SGK1: variants seen among roughly 807,000 people sequenced by gnomAD.
SGK1 encodes the protein serine/threonine-protein kinase Sgk1.
SGK1 carries 26 observed loss-of-function variants against 64.2 expected under a neutral mutation model. That is an observed-to-expected ratio of 0.40 (90% confidence interval 0.30 to 0.56). The LOEUF is 0.56. Ranked by LOEUF, SGK1 falls within the 20% of genes least tolerant of loss-of-function variation. SGK1 has a pLI of 0.38. For missense variants in SGK1, 519 were observed against 645.6 expected, an observed-to-expected ratio of 0.80 and a Z score of 2.12; for synonymous variants, 265 against 239.7, an observed-to-expected ratio of 1.11 and a Z score of -0.98.
At chr6:134,215,135 T>TTTC (rs762956548) in intron 2 of SGK1, 107 of 222,720 alleles carry the variant, frequency 4.8e-4, no homozygotes, top group Middle Eastern at 1.0e-3. Context: ...TCTTTCTTTC[T>TTTC]TTTTTTTTTT....
intron 2 of SGK1, among the ~76,000 whole-genome samples, chr6:134,247,636 T>A (rs1776543784): frequency 6.6e-6 from 1 of 152,202 alleles, no homozygotes; most frequent in Non-Finnish European, 1.5e-5. Context: ...TGTTTGGATA[T>A]GAATGTAACT....
chr6:134,298,697 G>A, intron 1 of SGK1: 1 of 956,946 alleles, frequency 1.0e-6, no homozygotes, highest in Non-Finnish European at 1.6e-6. Flanking sequence ...TGATGGACAT[G>A]GTGGAGGCAG....
intron 2 of SGK1, among the ~76,000 whole-genome samples, chr6:134,256,295 T>C (rs1376718464): frequency 6.6e-6 from 1 of 152,110 alleles, no homozygotes; most frequent in Non-Finnish European, 1.5e-5. Context: ...TTTTCAGAGA[T>C]ACTTAATTAT....
chr6:134,237,985 A>G (rs1340377469), intron 2 of SGK1, among the ~76,000 whole-genome samples: 1 of 152,232 alleles, frequency 6.6e-6, no homozygotes, highest in African/African-American at 2.4e-5. Flanking sequence ...TGTAAAAAAC[A>G]TCTTATTCCC....
chr6:134,315,652 C>T (rs966833168), intron 1 of SGK1, among the ~76,000 whole-genome samples: 9 of 152,150 alleles, frequency 5.9e-5, no homozygotes, highest in African/African-American at 2.2e-4. Context: ...ATCCCCAATA[C>T]CATGAAATAA....
In SGK1 at chr6:134,262,038, G is replaced by C; in HGVS notation, c.180C>G (p.Phe60Leu). The change falls in exon 2 of 14, where the codon TTC becomes TTG. Residue 60 changes from phenylalanine to leucine, a missense_variant. Phe to Leu is a conservative substitution (Grantham distance 22). Transcript: ENST00000367858. ...MVHIPPGEPD[F>L]ESSLCQTCLG... ...GGCATGTTTGACACAAGGAAGACTC[G>C]AAGTCTGGCTCCCCTGGAGGGATGT... 6.2e-7 allele frequency: 1 copy of C among 1,613,882 alleles called. No homozygotes were observed. The highest frequency in any genetic ancestry group is 8.5e-7 in the Non-Finnish European group (1 of 1,179,780).
At chr6:134,297,186 G>A (rs1015069421) in intron 1 of SGK1, 8 of 745,904 alleles carry the variant, frequency 1.1e-5, no homozygotes, top group African/African-American at 3.5e-5. Flanking sequence ...GGTGGTCTTC[G>A]TATGGATACT....
At chr6:134,194,552 T>TCCGTTAC (rs1449077936) in intron 3 of SGK1, among the ~76,000 whole-genome samples, 2 of 148,270 alleles carry the variant, frequency 1.3e-5, no homozygotes, top group Non-Finnish European at 3.0e-5. Flanking sequence ...GGAGTCTCGC[T>TCCGTTAC]CCGTTACCCA....
intron 3 of SGK1, among the ~76,000 whole-genome samples, chr6:134,177,077 G>A (rs1775252572): frequency 6.6e-6 from 1 of 152,174 alleles, no homozygotes; most frequent in Non-Finnish European, 1.5e-5. Context: ...AGCCAGGCGT[G>A]GTGGCGTGCG....
At chr6:134,180,398 C>T (rs1775313305) in intron 3 of SGK1, 1 of 152,018 alleles carries the variant, frequency 6.6e-6, no homozygotes, top group Non-Finnish European at 1.5e-5. Context: ...AGCTAGAATG[C>T]AATATGATAG....
intron 9 of SGK1, 167 bp downstream of exon 9, chr6:134,172,495 G>A: frequency 1.3e-6 from 1 of 795,394 alleles, no homozygotes; most frequent in South Asian, 1.8e-5. Context: ...ATCCTACTTG[G>A]CTGGTTCCCC....
chr6:134,308,929 A>C (rs1777573129), intron 1 of SGK1, among the ~76,000 whole-genome samples: 1 of 152,106 alleles, frequency 6.6e-6, no homozygotes, highest in South Asian at 2.1e-4. Context: ...GACAACAGAG[A>C]GAGAGAAAGA....
chr6:134,219,699 G>A (rs1776049831), intron 2 of SGK1, among the ~76,000 whole-genome samples: 1 of 149,952 alleles, frequency 6.7e-6, no homozygotes, highest in African/African-American at 2.5e-5. Context: ...GGCAGAGGTT[G>A]CGGTGAGCTG....
intron 1 of SGK1, among the ~76,000 whole-genome samples, chr6:134,292,049 C>T (rs986748937): frequency 8.7e-4 from 122 of 140,240 alleles, no homozygotes; most frequent in African/African-American, 3.1e-3. Flanking sequence ...GGTGACAGAG[C>T]AAGACTCTCT....
intron 2 of SGK1, among the ~76,000 whole-genome samples, chr6:134,251,335 A>T (rs1776602744): frequency 6.6e-6 from 1 of 152,328 alleles, no homozygotes; most frequent in African/African-American, 2.4e-5. Context: ...TTAAAATTTT[A>T]AAAGTCTCAA....
intron 1 of SGK1, among the ~76,000 whole-genome samples, chr6:134,295,530 C>T (rs1445429311): frequency 1.3e-5 from 2 of 152,164 alleles, no homozygotes; most frequent in Non-Finnish European, 1.5e-5. Flanking sequence ...ATGGCGAAAC[C>T]TTGTCTCTAC....
At position 134,191,981 on chromosome 6, in the gene SGK1, C is replaced by G. The variant is rs1775520091; in HGVS notation, c.361+15375G>C. ...TCCCAAGTAGCTGGGACGGGGCCCG[C>G]CACCATGCCCAGCTAATTTTTGTAT... is the stretch of plus-strand genomic sequence containing the variant. On this transcript the variant is annotated intron_variant, in intron 3 of 13. Transcript: ENST00000367858. Among the ~76,000 whole-genome samples the G allele has an allele frequency of 2.0e-5, 3 of 151,530 alleles. No individual in the cohort carries two copies. In the South Asian group the frequency reaches 6.2e-4, roughly 32 times the overall value.
intron 2 of SGK1, among the ~76,000 whole-genome samples, chr6:134,210,152 C>A (rs1391814351): frequency 1.3e-5 from 2 of 152,176 alleles, no homozygotes; most frequent in Non-Finnish European, 2.9e-5. Flanking sequence ...GATGAGGAAG[C>A]AACCTAAATG....
chr6:134,175,493 C>A, intron 3 of SGK1: 1 of 1,383,932 alleles, frequency 7.2e-7, no homozygotes, highest in South Asian at 1.6e-5. Context: ...GCCTCCAAGC[C>A]GCTCTGGGGA....
Sources: allele counts gnomAD v4.1 joint callset (sites outside exome capture counted in the v4.1 genomes callset), GRCh38; gene constraint gnomAD v4.1.1; transcripts MANE v1.5; gene names NCBI Gene and HGNC (gene_info 2026-07-23, HGNC 2026-07-21).